The following UBR1 variants were observed in gnomAD, a reference collection of about 807,000 sequenced individuals.
UBR1 encodes E3 ubiquitin-protein ligase UBR1.
Under a neutral mutation model 242.1 loss-of-function variants are expected in UBR1, and 102 were observed. That is an observed-to-expected ratio of 0.42 (90% CI 0.36 to 0.50). UBR1 has a LOEUF of 0.50. Ranked by LOEUF, UBR1 falls within the 20% of genes least tolerant of loss-of-function variation. UBR1 has a pLI of 0.01. For missense variants in UBR1, 1,772 were observed against 2,101.8 expected (o/e 0.84, Z 3.07); for synonymous variants, 675 against 684.8 (o/e 0.99, Z 0.22).
intron 41 of UBR1, among the ~76,000 whole-genome samples, chr15:42,964,982 C>T (rs1416204055): frequency 6.6e-6 from 1 of 152,142 alleles, no homozygotes; most frequent in African/African-American, 2.4e-5. Context: ...ATATGTATTT[C>T]TCTATTTGTT....
chr15:42,962,385 G>A (rs1208344110), intron 42 of UBR1, among the ~76,000 whole-genome samples: 6 of 152,182 alleles, frequency 3.9e-5, no homozygotes, highest in Admixed American at 2.6e-4. Flanking sequence ...GCAGATACTG[G>A]AATCACAGCA....
chr15:43,020,809 A>C (rs1490251644), intron 27 of UBR1, among the ~76,000 whole-genome samples: 2 of 152,188 alleles, frequency 1.3e-5, no homozygotes, highest in African/African-American at 4.8e-5. Flanking sequence ...GTACTCTTCC[A>C]GACTCTTCTA....
chr15:42,992,132 G>T (rs918345084), intron 33 of UBR1, among the ~76,000 whole-genome samples: 1 of 151,922 alleles, frequency 6.6e-6, no homozygotes, highest in Non-Finnish European at 1.5e-5. Flanking sequence ...CATACGGTTG[G>T]TTTTTTTAGT....
intron 6 of UBR1, 47 bp from the exon 7 acceptor site, chr15:43,060,161 A>T (rs1160741100): frequency 6.4e-7 from 1 of 1,563,524 alleles, no homozygotes; most frequent in Non-Finnish European, 8.8e-7. Flanking sequence ...TGATAACCAC[A>T]ATCAATAAGC....
At chr15:43,035,927 G>A (rs1358981889) in intron 19 of UBR1, among the ~76,000 whole-genome samples, 1 of 129,954 alleles carries the variant, frequency 7.7e-6, no homozygotes, top group Non-Finnish European at 1.6e-5. Flanking sequence ...TGGAGACTGT[G>A]GTGGGGTGGG....
intron 42 of UBR1, among the ~76,000 whole-genome samples, chr15:42,961,776 A>G (rs866809448): frequency 2.1e-4 from 32 of 149,182 alleles, no homozygotes; most frequent in Admixed American, 4.7e-4. Context: ...TGTTTTTGAG[A>G]TGGAGTCTAC....
chr15:42,981,451 A>G (rs954704427), intron 37 of UBR1, among the ~76,000 whole-genome samples: 4 of 152,094 alleles, frequency 2.6e-5, no homozygotes, highest in South Asian at 2.1e-4. Flanking sequence ...GTTAGAGGAG[A>G]TAACAGCAGA....
intron 21 of UBR1, among the ~76,000 whole-genome samples, chr15:43,029,017 G>A (rs1596108790): frequency 2.0e-5 from 3 of 152,056 alleles, no homozygotes; most frequent in Middle Eastern, 3.4e-3. Flanking sequence ...CCCGGGAGAC[G>A]GAGGTTGCAG....
At chr15:42,946,678 T>C (rs1285269803) in intron 46 of UBR1, among the ~76,000 whole-genome samples, 1 of 152,188 alleles carries the variant, frequency 6.6e-6, no homozygotes, top group Non-Finnish European at 1.5e-5. Context: ...AAGAGTTTAT[T>C]GTAAGGAGGT....
chr15:43,033,591 T>G (rs935376483), intron 19 of UBR1, among the ~76,000 whole-genome samples: 1 of 152,034 alleles, frequency 6.6e-6, no homozygotes, highest in Non-Finnish European at 1.5e-5. Context: ...GAGGCAGAGG[T>G]TGCAGTGAGC....
chr15:42,983,584 G>A (rs2032410810), intron 37 of UBR1, among the ~76,000 whole-genome samples: 2 of 151,256 alleles, frequency 1.3e-5, no homozygotes, highest in Non-Finnish European at 2.9e-5. Flanking sequence ...AGAATCACTT[G>A]AACACGTGAG....
intron 1 of UBR1, among the ~76,000 whole-genome samples, chr15:43,103,137 C>T (rs2034258415): frequency 6.6e-6 from 1 of 152,204 alleles, no homozygotes; most frequent in South Asian, 2.1e-4. Flanking sequence ...CACTATACCA[C>T]AGCCTGGGTG....
At chr15:42,960,341 A>C (rs578088603) in intron 43 of UBR1, among the ~76,000 whole-genome samples, 1 of 152,336 alleles carries the variant, frequency 6.6e-6, no homozygotes, top group East Asian at 1.9e-4. Context: ...TTTTGAAGTT[A>C]ATACACCAGC....
chr15:42,958,759 G>A (rs1179819544), intron 43 of UBR1, among the ~76,000 whole-genome samples: 8 of 152,242 alleles, frequency 5.3e-5, no homozygotes, highest in South Asian at 2.1e-4. Flanking sequence ...TTGCTTGCAT[G>A]TATTGGGGAA....
intron 32 of UBR1, among the ~76,000 whole-genome samples, chr15:43,001,778 A>G (rs2032729055): frequency 1.3e-5 from 2 of 152,216 alleles, no homozygotes; most frequent in Admixed American, 1.3e-4. Flanking sequence ...GAGATATATA[A>G]AAACAAATCT....
chr15:43,048,348 T>A, intron 13 of UBR1, 44 bp downstream of exon 13: 2 of 1,506,834 alleles, frequency 1.3e-6, no homozygotes, highest in Non-Finnish European at 1.8e-6. Flanking sequence ...GTTCAATTTT[T>A]AAAAATAAAT....
intron 19 of UBR1, among the ~76,000 whole-genome samples, chr15:43,034,844 G>A (rs2033309853): frequency 1.4e-5 from 2 of 146,364 alleles, no homozygotes; most frequent in East Asian, 2.0e-4. Context: ...CCGAGATCGC[G>A]CCATTGCACT....
intron 33 of UBR1, among the ~76,000 whole-genome samples, chr15:42,993,474 T>C (rs1407093898): frequency 6.6e-6 from 1 of 151,800 alleles, no homozygotes; most frequent in Non-Finnish European, 1.5e-5. Context: ...TGCCTCAGAT[T>C]CTCCTGCCTC....
chr15:43,093,451 T>C (rs1163545251), intron 1 of UBR1, among the ~76,000 whole-genome samples: 1 of 152,176 alleles, frequency 6.6e-6, no homozygotes, highest in East Asian at 1.9e-4. Context: ...TCTTTGATTA[T>C]ACAATGTTTT....
Sources: allele counts gnomAD v4.1 joint callset (sites outside exome capture counted in the v4.1 genomes callset), GRCh38; gene constraint gnomAD v4.1.1; transcripts MANE v1.5; gene names NCBI Gene and HGNC (gene_info 2026-07-23, HGNC 2026-07-21).